Variants in FAF1 observed in about 807,000 individuals in gnomAD.
FAF1 encodes FAS-associated factor 1.
In FAF1, 25 loss-of-function variants were observed where a neutral mutation model predicts 92.5. The observed-to-expected ratio is 0.27, with a 90% confidence interval of 0.20 to 0.38. The LOEUF (loss-of-function observed/expected upper bound fraction) is 0.38, where lower values mean the gene tolerates loss of function less well. Among genes scored for constraint, FAF1 ranks in the 10% least tolerant of loss-of-function variants. FAF1 has a pLI of 1.00. For missense variants in FAF1, 636 were observed against 793.3 expected (o/e 0.80, Z 2.38); for synonymous variants, 234 against 273.2 (o/e 0.86, Z 1.42).
At chr1:50,581,236 G>A (rs1455282348) in intron 12 of FAF1, among the ~76,000 whole-genome samples, 1 of 152,114 alleles carries the variant, frequency 6.6e-6, no homozygotes, top group African/African-American at 2.4e-5. Flanking sequence ...GGGTAAAGAA[G>A]TTTCTTACTC....
intron 4 of FAF1, among the ~76,000 whole-genome samples, chr1:50,777,819 T>A (rs1413368065): frequency 6.6e-6 from 1 of 151,892 alleles, no homozygotes; most frequent in Non-Finnish European, 1.5e-5. Flanking sequence ...GATTAAGTGA[T>A]GGCAAGGATA....
chr1:50,597,937 C>T (rs1302095853), intron 8 of FAF1, among the ~76,000 whole-genome samples: 1 of 152,118 alleles, frequency 6.6e-6, no homozygotes, highest in Non-Finnish European at 1.5e-5. Context: ...CTTTTAAACT[C>T]AGAGTGTCCT....
At chr1:50,617,653 G>C (rs912672078) in intron 8 of FAF1, among the ~76,000 whole-genome samples, 2 of 149,760 alleles carry the variant, frequency 1.3e-5, no homozygotes, top group Non-Finnish European at 3.0e-5. Flanking sequence ...GGTGACGCTG[G>C]CCTCACAGCA....
chr1:50,593,922 A>G (rs1651654775), intron 9 of FAF1, among the ~76,000 whole-genome samples: 2 of 152,226 alleles, frequency 1.3e-5, no homozygotes, highest in Non-Finnish European at 2.9e-5. Context: ...TTAAATAAAA[A>G]TGAGCAACCA....
rs1645173302 is a variant in FAF1, at chr1:50,946,515, T to C, written c.45+13252A>G. Reference sequence around the variant, plus strand: ...CCCTCAAATTCTGTTAACCAACCTATGAAGACACCCTCATCTTTCTTCTTC... The same window carrying C: ...CCCTCAAATTCTGTTAACCAACCTACGAAGACACCCTCATCTTTCTTCTTC... On this transcript the variant is annotated intron_variant, in intron 1 of 18. Transcript: ENST00000396153. Among the ~76,000 whole-genome samples the C allele has an allele frequency of 4.6e-5, 7 of 152,316 alleles. No homozygotes were observed. In the South Asian group the frequency reaches 1.5e-3, roughly 32 times the overall value.
intron 4 of FAF1, among the ~76,000 whole-genome samples, chr1:50,754,141 C>T (rs1028138676): frequency 6.6e-6 from 1 of 152,120 alleles, no homozygotes; most frequent in Admixed American, 6.5e-5. Context: ...GGTTTTTCTA[C>T]ATCTTTGCGT....
chr1:50,879,310 G>A (rs1189965629), intron 1 of FAF1, among the ~76,000 whole-genome samples: 1 of 152,126 alleles, frequency 6.6e-6, no homozygotes, highest in African/African-American at 2.4e-5. Context: ...ATTCATCTAT[G>A]ACTGGTTACC....
intron 8 of FAF1, among the ~76,000 whole-genome samples, chr1:50,605,775 T>C (rs774087381): frequency 1.3e-5 from 2 of 152,346 alleles, no homozygotes; most frequent in Non-Finnish European, 2.9e-5. Context: ...TATGTGCAGA[T>C]TTCTCTTGAC....
chr1:50,847,481 C>A (rs895648675), intron 2 of FAF1, among the ~76,000 whole-genome samples: 7 of 145,912 alleles, frequency 4.8e-5, no homozygotes, highest in Non-Finnish European at 9.0e-5. Flanking sequence ...ATCAGTAGAA[C>A]TGACACAGTC....
intron 7 of FAF1, among the ~76,000 whole-genome samples, chr1:50,682,554 C>T (rs1426055390): frequency 2.0e-5 from 3 of 152,010 alleles, no homozygotes; most frequent in Non-Finnish European, 4.4e-5. Context: ...AAATATTAAA[C>T]CTATTGTTTA....
In FAF1 at chr1:50,799,549, GT is replaced by G. The variant is rs1023651737; in HGVS notation, c.161+2081del. On this transcript the variant is annotated intron_variant, in intron 3 of 18. Coordinates refer to ENST00000396153, the MANE Select transcript of FAF1 (RefSeq NM_007051.3). Reference sequence around the variant, plus strand: ...CTTTAGATTGCAGATAATTAGTACAGTTTTTTGTTTTGAATAATCTCTGGTC... The same window carrying G: ...CTTTAGATTGCAGATAATTAGTACAGTTTTTGTTTTGAATAATCTCTGGTC... Among the ~76,000 whole-genome samples, 6 of 151,948 alleles carry G rather than the reference GT, an allele frequency of 3.9e-5. No homozygotes were observed. In the East Asian group the frequency reaches 1.2e-3, roughly 29 times the overall value.
At chr1:50,539,117 T>C (rs1648636093) in intron 14 of FAF1, among the ~76,000 whole-genome samples, 1 of 152,232 alleles carries the variant, frequency 6.6e-6, no homozygotes, top group Non-Finnish European at 1.5e-5. Flanking sequence ...ATCCCACAGC[T>C]TCATGCTTCA....
At chr1:50,939,970 G>A (rs972331040) in intron 1 of FAF1, among the ~76,000 whole-genome samples, 8 of 152,116 alleles carry the variant, frequency 5.3e-5, no homozygotes, top group Non-Finnish European at 1.2e-4. Flanking sequence ...GAGTGCAGTG[G>A]CATGATCTCA....
intron 3 of FAF1, among the ~76,000 whole-genome samples, chr1:50,791,668 C>T (rs1329159093): frequency 6.6e-6 from 1 of 152,206 alleles, no homozygotes; most frequent in African/African-American, 2.4e-5. Context: ...TGATCCCCAG[C>T]TTCATGAGTC....
rs74082524 is a variant in FAF1, at chr1:50,441,040, A to G, written c.*400T>C. On this transcript the variant is annotated 3_prime_UTR_variant, in exon 19 of 19. Transcript: ENST00000396153. ...AGTAGAAATTCAGTCATGAAAATAA[A>G]AAGACATATATCAAATATACAGCAT... 2.7e-3 allele frequency: 434 copies of G among 160,474 alleles called. 1 individual carries two copies. Among genetic ancestry groups the G allele is most frequent in the African/African-American group, 1.0e-2 (418 of 42,008 alleles). The allele number at this position is 160,474 out of a possible 1,614,324, so 9.9% of individuals were successfully genotyped here. A position where few individuals can be genotyped will look rare whatever the true frequency, so the allele number is the denominator to read the frequency against.
chr1:50,463,227 T>A (rs1214043011), intron 18 of FAF1, among the ~76,000 whole-genome samples: 1 of 152,202 alleles, frequency 6.6e-6, no homozygotes, highest in Non-Finnish European at 1.5e-5. Context: ...ACATGTGTTG[T>A]CTCAAATCAC....
At chr1:50,450,000 G>A (rs1646275520) in intron 18 of FAF1, among the ~76,000 whole-genome samples, 2 of 151,602 alleles carry the variant, frequency 1.3e-5, no homozygotes. Flanking sequence ...TTCGAGACCA[G>A]CCTGGCCACC....
At chr1:50,873,917 A>C (rs930374785) in intron 1 of FAF1, among the ~76,000 whole-genome samples, 5 of 152,222 alleles carry the variant, frequency 3.3e-5, no homozygotes, top group African/African-American at 1.2e-4. Flanking sequence ...GCTAGAGAAC[A>C]GAGGTCTTAT....
chr1:50,450,520 C>T (rs1317246453), intron 18 of FAF1, among the ~76,000 whole-genome samples: 1 of 152,180 alleles, frequency 6.6e-6, no homozygotes, highest in Non-Finnish European at 1.5e-5. Context: ...TTCTGTTGGG[C>T]ATAAAAAATG....
Sources: gnomAD v4.1 joint callset for allele counts (sites outside exome capture counted in the v4.1 genomes callset) on GRCh38, gnomAD v4.1.1 for gene constraint, MANE v1.5 for transcripts, NCBI Gene and HGNC (gene_info 2026-07-23, HGNC 2026-07-21) for gene names.